Variants in NLRC5 observed in about 807,000 individuals in gnomAD.
The protein encoded by NLRC5 is NLR family CARD domain containing 5.
In NLRC5, 114 loss-of-function variants were observed where a neutral mutation model predicts 206.9. The observed-to-expected ratio is 0.55, with a 90% confidence interval of 0.47 to 0.64. The LOEUF (loss-of-function observed/expected upper bound fraction) is 0.64. NLRC5 is among the 30% of genes least tolerant of loss of function. The pLI is 0.00. For missense variants in NLRC5, 2,008 were observed against 2,305.5 expected, an observed-to-expected ratio of 0.87 and a Z score of 2.64; for synonymous variants, 952 against 962.8, an observed-to-expected ratio of 0.99 and a Z score of 0.21.
At chr16:57,020,341 TCTTC>T (rs2060522885) in intron 2 of NLRC5, among the ~76,000 whole-genome samples, 1 of 120,298 alleles carries the variant, frequency 8.3e-6, no homozygotes, top group South Asian at 3.1e-4. Context: ...CCCCAGCTCA[TCTTC>T]CTTCCAGTTC....
Position 57,082,619 on chromosome 16 carries a change from AG to A in NLRC5, c.*92del, listed in dbSNP as rs2069289200. 1 of 939,094 alleles carries A rather than the reference AG, an allele frequency of 1.1e-6. No individual in the cohort carries two copies. Among genetic ancestry groups the A allele is most frequent in the Non-Finnish European group, 1.7e-6 (1 of 603,670 alleles). The allele number at this position is 939,094 out of a possible 1,614,324, so 58.2% of individuals were successfully genotyped here. A position where few individuals can be genotyped will look rare whatever the true frequency, so the allele number is the denominator to read the frequency against. Reference sequence around the variant, plus strand: ...TGGGATAATTGACTCAGGAAAGAAGAGCCTCGGCAGGGCGCTCTGCACTCCA... The same window carrying A: ...TGGGATAATTGACTCAGGAAAGAAGACCTCGGCAGGGCGCTCTGCACTCCA... On this transcript the variant is annotated 3_prime_UTR_variant, in exon 49 of 49. Transcript: ENST00000688547.
chr16:57,045,840 C>T (rs2063880080), intron 21 of NLRC5, among the ~76,000 whole-genome samples: 1 of 152,246 alleles, frequency 6.6e-6, no homozygotes, highest in Non-Finnish European at 1.5e-5. Flanking sequence ...TGTAGACCCA[C>T]CGCTCCATAC....
At chr16:57,070,883 T>G (rs1450413289) in intron 38 of NLRC5, among the ~76,000 whole-genome samples, 1 of 136,032 alleles carries the variant, frequency 7.4e-6, no homozygotes, top group African/African-American at 3.2e-5. Context: ...TGGTGGTTAA[T>G]GGGGAAGGGG....
intron 45 of NLRC5, 66 bp from the exon 46 acceptor site, chr16:57,079,480 C>A: frequency 1.4e-6 from 2 of 1,463,086 alleles, no homozygotes; most frequent in Non-Finnish European, 9.6e-7. Flanking sequence ...GCTCTGGAGG[C>A]AGGACCTGCT....
intron 23 of NLRC5, chr16:57,048,086 C>G (rs72780015): frequency 0.11 from 18,047 of 162,276 alleles, 1,108 homozygotes; most frequent in East Asian, 0.18. Context: ...AATCAGGACT[C>G]TTGGCTCAAA....
chr16:57,012,636 G>T (rs887449343), intron 1 of NLRC5, among the ~76,000 whole-genome samples: 3 of 152,156 alleles, frequency 2.0e-5, no homozygotes, highest in African/African-American at 7.2e-5. Context: ...TTTCTGATGA[G>T]AATCTAATGA....
chr16:56,990,123 C>T (rs1024895938), intron 1 of NLRC5, among the ~76,000 whole-genome samples: 2 of 152,156 alleles, frequency 1.3e-5, no homozygotes, highest in African/African-American at 2.4e-5. Context: ...GCCTTCTGCA[C>T]CTGCGGGTTT....
chr16:57,044,318 AAAG>A (rs1259628708), intron 20 of NLRC5, among the ~76,000 whole-genome samples: 6 of 151,798 alleles, frequency 4.0e-5, no homozygotes, highest in Non-Finnish European at 7.4e-5. Context: ...AAAAAAAAGA[AAAG>A]AAAAGAAAAC....
intron 1 of NLRC5, chr16:57,014,130 G>C (rs1376785423): frequency 1.6e-5 from 3 of 184,364 alleles, no homozygotes; most frequent in Non-Finnish European, 3.4e-5. Context: ...GGAGGCCTTG[G>C]GAAACATCAT....
rs1305524085 is a variant in NLRC5, at chr16:57,025,266, C to T, written c.425-102C>T. ...CCACCCTCACCCCATCATACATACA[C>T]ATCTGGGGCTACAGGCTCCCAACAG... is the stretch of plus-strand genomic sequence containing the variant. On this transcript the variant is annotated intron_variant, in intron 5 of 48. Transcript: ENST00000688547. 5.4e-5 allele frequency: 80 copies of T among 1,482,128 alleles called. No individual in the cohort carries two copies. The South Asian group carries it at 7.8e-4, about 14-fold the overall frequency. The allele number at this position is 1,482,128 out of a possible 1,614,324, so 91.8% of individuals were successfully genotyped here.
intron 15 of NLRC5, among the ~76,000 whole-genome samples, chr16:57,038,993 A>G (rs2062953023): frequency 6.6e-6 from 1 of 152,144 alleles, no homozygotes; most frequent in African/African-American, 2.4e-5. Context: ...GTTCCCATCA[A>G]TAATGATCAA....
chr16:57,076,613 C>A (rs764700147), intron 39 of NLRC5, among the ~76,000 whole-genome samples: 1 of 152,244 alleles, frequency 6.6e-6, no homozygotes, highest in South Asian at 2.1e-4. Context: ...TCACTGCTGG[C>A]TCTCAAGTTT....
intron 39 of NLRC5, among the ~76,000 whole-genome samples, chr16:57,075,508 C>A (rs1236478268): frequency 6.6e-6 from 1 of 152,196 alleles, no homozygotes; most frequent in Non-Finnish European, 1.5e-5. Flanking sequence ...GCGTGAGCCA[C>A]CACGCCTGGC....
chr16:57,023,903 G>A (rs1377618179), intron 5 of NLRC5, 50 bp downstream of exon 5: 2 of 1,538,956 alleles, frequency 1.3e-6, no homozygotes, highest in East Asian at 2.3e-5. Flanking sequence ...GGGTTGCCTG[G>A]GGGCCAAGAC....
At chr16:57,010,907 A>ATTTTT (rs2059417557) in intron 1 of NLRC5, among the ~76,000 whole-genome samples, 2 of 148,612 alleles carry the variant, frequency 1.3e-5, no homozygotes, top group Admixed American at 1.3e-4. Context: ...TTTTTTTAAA[A>ATTTTT]AAAAATCAAA....
chr16:57,073,751 G>A (rs558927425), intron 38 of NLRC5, among the ~76,000 whole-genome samples: 1 of 152,124 alleles, frequency 6.6e-6, no homozygotes, highest in African/African-American at 2.4e-5. Context: ...ATGCCACCAG[G>A]CCCAGCTAAT....
At chr16:57,003,866 C>T (rs561561591) in intron 1 of NLRC5, 1 of 152,260 alleles carries the variant, frequency 6.6e-6, no homozygotes, top group East Asian at 1.9e-4. Flanking sequence ...GATGAGGACG[C>T]TGAGGTACGA....
chr16:57,011,824 GA>G (rs559517384), intron 1 of NLRC5, among the ~76,000 whole-genome samples: 2 of 151,550 alleles, frequency 1.3e-5, no homozygotes, highest in African/African-American at 2.4e-5. Context: ...TTACTATACA[GA>G]AAAAAAAGGC....
intron 38 of NLRC5, among the ~76,000 whole-genome samples, chr16:57,073,669 C>T (rs2068035751): frequency 6.6e-6 from 1 of 152,230 alleles, no homozygotes; most frequent in South Asian, 2.1e-4. Flanking sequence ...TCTTGGCTCA[C>T]TGCAACCTCC....
Sources: allele counts gnomAD v4.1 joint callset (sites outside exome capture counted in the v4.1 genomes callset), GRCh38; gene constraint gnomAD v4.1.1; transcripts MANE v1.5; gene names NCBI Gene and HGNC (gene_info 2026-07-23, HGNC 2026-07-21).